RPS6KA6: variants seen among roughly 807,000 people sequenced by gnomAD.
RPS6KA6 encodes the protein ribosomal protein S6 kinase A6.
A neutral mutation model predicts 65.4 loss-of-function variants in RPS6KA6; 27 were observed. That is an observed-to-expected ratio of 0.41 (90% confidence interval 0.30 to 0.57). RPS6KA6 has a LOEUF of 0.57. Among genes scored for constraint, RPS6KA6 ranks in the 20% least tolerant of loss-of-function variants. The pLI is 0.24. For missense variants in RPS6KA6, 486 were observed against 555.6 expected (o/e 0.87, Z 1.26); for synonymous variants, 190 against 184.2 (o/e 1.03, Z -0.26).
At chrX:84,066,431 C>CG (rs900223931) in intron 20 of RPS6KA6, among the ~76,000 whole-genome samples, 2 of 93,686 alleles carry the variant, frequency 2.1e-5, no homozygotes, top group Non-Finnish European at 4.2e-5. Context: ...GCGGCGGGGG[C>CG]GGGGGGGTGT....
intron 8 of RPS6KA6, among the ~76,000 whole-genome samples, chrX:84,128,571 A>T (rs1365036256): frequency 8.9e-6 from 1 of 111,823 alleles, no homozygotes; most frequent in African/African-American, 3.2e-5. Context: ...AAAAGAACAA[A>T]ACTGGAGGAA....
At chrX:84,131,896 A>G (rs762647704) in intron 8 of RPS6KA6, among the ~76,000 whole-genome samples, 1 of 112,022 alleles carries the variant, frequency 8.9e-6, no homozygotes, top group African/African-American at 3.2e-5. Flanking sequence ...CTAAGACTTT[A>G]AACTTTAAAA....
At chrX:84,126,427 G>A (rs1602434313) in intron 8 of RPS6KA6, among the ~76,000 whole-genome samples, 1 of 111,170 alleles carries the variant, frequency 9.0e-6, no homozygotes, top group African/African-American at 3.3e-5. Context: ...TTTCAGCATT[G>A]GACAGATCTC....
At position 84,092,684 on chromosome X, in the gene RPS6KA6, A is replaced by T. The variant is rs890428232; in HGVS notation, c.1971+3510T>A. Among the ~76,000 whole-genome samples, 4 of 111,252 alleles carry T rather than the reference A, an allele frequency of 3.6e-5. No homozygotes were observed. In the East Asian group the frequency reaches 8.5e-4, roughly 24 times the overall value. ...TCAGAGTGGCTACTATCAAAAAAAT[A>T]AAAAAATAAGTGTTGACAAAGATGT... On this transcript the variant is annotated intron_variant, in intron 20 of 21. Transcript: ENST00000262752.
intron 20 of RPS6KA6, among the ~76,000 whole-genome samples, chrX:84,083,545 G>A (rs1256885571): frequency 1.8e-5 from 2 of 112,058 alleles, no homozygotes. Context: ...CCATGTCCCT[G>A]CAAAGAACAT....
At chrX:84,096,880 C>T (rs547409825) in intron 19 of RPS6KA6, among the ~76,000 whole-genome samples, 1 of 111,098 alleles carries the variant, frequency 9.0e-6, no homozygotes, top group South Asian at 3.7e-4. Context: ...TTGTGCTTGA[C>T]ATGCAAACTT....
chrX:84,113,547 A>C (rs2034506478), intron 12 of RPS6KA6, among the ~76,000 whole-genome samples: 2 of 112,332 alleles, frequency 1.8e-5, no homozygotes, highest in Non-Finnish European at 3.8e-5. Flanking sequence ...ACATAAACAA[A>C]ATTATAAACA....
At chrX:84,175,595 G>C in intron 1 of RPS6KA6, among the ~76,000 whole-genome samples, 1 of 111,184 alleles carries the variant, frequency 9.0e-6, no homozygotes. Context: ...TGGCTTATTT[G>C]AGTAGGAGGA....
chrX:84,064,135 C>G lies in RPS6KA6; in HGVS notation c.*142G>C. 1 of 673,546 alleles carries G rather than the reference C, an allele frequency of 1.5e-6. No homozygotes were observed. Among genetic ancestry groups the G allele is most frequent in the Non-Finnish European group, 2.1e-6 (1 of 467,602 alleles). The allele number at this position is 673,546 out of a possible 1,213,427, so 55.5% of individuals were successfully genotyped here. A position where few individuals can be genotyped will look rare whatever the true frequency, so the allele number is the denominator to read the frequency against. On this transcript the variant is annotated 3_prime_UTR_variant, in exon 22 of 22. Transcript: ENST00000262752. ...TGGACCTGTGAATGGTTTTTTAAAT[C>G]TCACTTCCCCTAAAAATGGGGATTT... is the stretch of plus-strand genomic sequence containing the variant.
At chrX:84,178,517 G>T (rs950444543) in intron 1 of RPS6KA6, among the ~76,000 whole-genome samples, 1 of 111,785 alleles carries the variant, frequency 8.9e-6, no homozygotes, top group Non-Finnish European at 1.9e-5. Flanking sequence ...ACAACCTCAA[G>T]AATTTTATTA....
chrX:84,122,206 G>A (rs2034683676), intron 8 of RPS6KA6, among the ~76,000 whole-genome samples: 1 of 111,071 alleles, frequency 9.0e-6, no homozygotes, highest in African/African-American at 3.3e-5. Context: ...CAGCAGCCAT[G>A]CAGTGAGGAG....
intron 10 of RPS6KA6, 86 bp from the exon 11 acceptor site, chrX:84,117,234 T>G (rs2034585618): frequency 1.3e-6 from 1 of 773,516 alleles, no homozygotes; most frequent in African/African-American, 2.1e-5. Flanking sequence ...TTAAAAGTGC[T>G]TTTACAAGGG....
At chrX:84,098,103 T>G (rs1297151010) in intron 18 of RPS6KA6, among the ~76,000 whole-genome samples, 1 of 111,319 alleles carries the variant, frequency 9.0e-6, no homozygotes, top group Non-Finnish European at 1.9e-5. Context: ...TATACAGTAC[T>G]AAGGCTTTTA....
intron 20 of RPS6KA6, among the ~76,000 whole-genome samples, chrX:84,090,479 C>T (rs1489485542): frequency 1.9e-5 from 2 of 105,030 alleles, no homozygotes; most frequent in South Asian, 4.0e-4. Context: ...TCCATTCTCA[C>T]ACTGCTATGA....
chrX:84,166,489 T>G (rs2035598627), intron 1 of RPS6KA6, among the ~76,000 whole-genome samples: 1 of 111,422 alleles, frequency 9.0e-6, no homozygotes. Flanking sequence ...AATAAAAGAA[T>G]GCAGGTGGCT....
rs1051763679 is a variant in RPS6KA6, at chrX:84,058,889, A to T, written c.*5388T>A. ...GGATGTGTTGGCAAACCAATTTTTTAAAAAATGTGGCTATAGCAAACTGTG... is the reference window on the plus strand; with the variant it reads ...GGATGTGTTGGCAAACCAATTTTTTTAAAAATGTGGCTATAGCAAACTGTG... On this transcript the variant is annotated 3_prime_UTR_variant, in exon 22 of 22. Coordinates refer to ENST00000262752, the MANE Select transcript of RPS6KA6 (RefSeq NM_014496.5). 27 of 109,978 alleles carry T rather than the reference A, an allele frequency of 2.5e-4. No homozygotes were observed. The highest frequency in any genetic ancestry group is 6.9e-4 in the African/African-American group (21 of 30,379). The allele number at this position is 109,978 out of a possible 1,213,427, so 9.1% of individuals were successfully genotyped here. A position where few individuals can be genotyped will look rare whatever the true frequency, so the allele number is the denominator to read the frequency against.
At chrX:84,161,946 A>G (rs2147601000) in intron 2 of RPS6KA6, among the ~76,000 whole-genome samples, 1 of 111,980 alleles carries the variant, frequency 8.9e-6, no homozygotes, top group East Asian at 2.8e-4. Context: ...TATTTCAGAA[A>G]AAACAGATAC....
At chrX:84,091,378 G>A (rs1234996917) in intron 20 of RPS6KA6, among the ~76,000 whole-genome samples, 2 of 112,481 alleles carry the variant, frequency 1.8e-5, no homozygotes, top group South Asian at 3.7e-4. Flanking sequence ...TATGCTAGAT[G>A]TGATAGAAAA....
intron 12 of RPS6KA6, among the ~76,000 whole-genome samples, chrX:84,111,786 T>C (rs184856301): frequency 8.2e-5 from 9 of 109,313 alleles, no homozygotes; most frequent in Non-Finnish European, 1.5e-4. Flanking sequence ...CAATTGAGAA[T>C]CCAAGGCAAC....
Sources: allele counts gnomAD v4.1 joint callset (sites outside exome capture counted in the v4.1 genomes callset), GRCh38; gene constraint gnomAD v4.1.1; transcripts MANE v1.5; gene names NCBI Gene and HGNC (gene_info 2026-07-23, HGNC 2026-07-21).